ANGPT1: variants seen among roughly 807,000 people sequenced by gnomAD.
The protein encoded by ANGPT1 is angiopoietin-1.
A neutral mutation model predicts 62.2 loss-of-function variants in ANGPT1; 17 were observed. The ratio of observed to expected loss-of-function variants is 0.27; its 90% confidence interval spans 0.19 to 0.41. The LOEUF (loss-of-function observed/expected upper bound fraction) is 0.41. Among genes scored for constraint, ANGPT1 ranks in the 10% least tolerant of loss-of-function variants. ANGPT1 has a pLI of 1.00. For synonymous variants in ANGPT1, 199 were observed against 198.9 expected, an observed-to-expected ratio of 1.00 and a Z score of 0.00; for missense variants, 478 against 594.9, an observed-to-expected ratio of 0.80 and a Z score of 2.04.
chr8:107,275,668 C>T (rs1040663928), intron 7 of ANGPT1, among the ~76,000 whole-genome samples: 1 of 152,100 alleles, frequency 6.6e-6, no homozygotes, highest in Non-Finnish European at 1.5e-5. Context: ...GTACTGAAAT[C>T]TCTGTGGACA....
chr8:107,474,785 C>T (rs1812467271), intron 1 of ANGPT1, among the ~76,000 whole-genome samples: 1 of 152,050 alleles, frequency 6.6e-6, no homozygotes. Flanking sequence ...TCTTATACAC[C>T]AATGGTAGAC....
chr8:107,362,678 G>A lies in ANGPT1; in HGVS notation c.298-15581C>T, dbSNP rs184480927. On this transcript the variant is annotated intron_variant, in intron 1 of 8. Transcript: ENST00000517746. ...AAGCCAAGGGTTCTCATGTCACAGA[G>A]ATGTGTTTAATATGAGATGTGTTAT... Among the ~76,000 whole-genome samples the A allele has an allele frequency of 5.3e-5, 8 of 152,236 alleles. No individual in the cohort carries two copies. In the East Asian group the frequency reaches 1.5e-3, roughly 29 times the overall value.
chr8:107,326,555 T>C (rs1314202946), intron 3 of ANGPT1, among the ~76,000 whole-genome samples: 1 of 152,142 alleles, frequency 6.6e-6, no homozygotes, highest in Non-Finnish European at 1.5e-5. Flanking sequence ...TCTCTTCTCT[T>C]TGATTCCTCC....
intron 1 of ANGPT1, among the ~76,000 whole-genome samples, chr8:107,367,940 G>T (rs1816309809): frequency 6.6e-6 from 1 of 152,100 alleles, no homozygotes; most frequent in African/African-American, 2.4e-5. Flanking sequence ...ATGAGGGTTG[G>T]CATCAACTTC....
chr8:107,398,646 A>T (rs1319342529), intron 1 of ANGPT1, among the ~76,000 whole-genome samples: 2 of 152,002 alleles, frequency 1.3e-5, no homozygotes, highest in Non-Finnish European at 1.5e-5. Flanking sequence ...ACTGTTCTGG[A>T]CAGAGTGGTA....
At chr8:107,413,656 A>G (rs1347693075) in intron 1 of ANGPT1, among the ~76,000 whole-genome samples, 1 of 150,292 alleles carries the variant, frequency 6.7e-6, no homozygotes, top group Admixed American at 6.6e-5. Flanking sequence ...GAAATATTAA[A>G]TTAATATTAT....
chr8:107,371,835 C>T (rs1021272876), intron 1 of ANGPT1, among the ~76,000 whole-genome samples: 6 of 152,098 alleles, frequency 3.9e-5, no homozygotes, highest in African/African-American at 1.4e-4. Flanking sequence ...CTTCTCATTA[C>T]CTTAATTCAC....
At chr8:107,409,836 T>C (rs1817226300) in intron 1 of ANGPT1, among the ~76,000 whole-genome samples, 1 of 152,130 alleles carries the variant, frequency 6.6e-6, no homozygotes, top group Non-Finnish European at 1.5e-5. Context: ...TCTGTTTAAC[T>C]AGACAGTGGG....
chr8:107,410,198 C>T (rs1288265139), intron 1 of ANGPT1, among the ~76,000 whole-genome samples: 2 of 152,192 alleles, frequency 1.3e-5, no homozygotes, highest in Admixed American at 6.5e-5. Flanking sequence ...TCAGTGGCTC[C>T]TGACACCATT....
chr8:107,278,202 A>C (rs4636176), intron 7 of ANGPT1, among the ~76,000 whole-genome samples: 34,452 of 151,752 alleles, frequency 0.23, 4,465 homozygotes, highest in Middle Eastern at 0.36. Flanking sequence ...CAGCCTCCTA[A>C]GTAGCTGGGA....
chr8:107,393,066 T>C (rs1034029462), intron 1 of ANGPT1, among the ~76,000 whole-genome samples: 1 of 152,198 alleles, frequency 6.6e-6, no homozygotes, highest in African/African-American at 2.4e-5. Flanking sequence ...ATGCATTCTG[T>C]AGAGTAAAAA....
Position 107,256,271 on chromosome 8 carries a change from T to C in ANGPT1, c.1337-4256A>G, listed in dbSNP as rs961788760. On this transcript the variant is annotated intron_variant, in intron 8 of 8. Coordinates refer to ENST00000517746, the MANE Select transcript of ANGPT1 (RefSeq NM_001146.5). ...TCAAGGTAGAAGAAGTAATTACTTC[T>C]GTGTAGGCAAGGATTCTCTGTTTTC... Among the ~76,000 whole-genome samples the C allele has an allele frequency of 2.6e-5, 4 of 152,334 alleles. No homozygotes were observed. In the South Asian group the frequency reaches 8.3e-4, roughly 32 times the overall value.
At chr8:107,352,582 A>G (rs1351320115) in intron 1 of ANGPT1, among the ~76,000 whole-genome samples, 2 of 152,180 alleles carry the variant, frequency 1.3e-5, no homozygotes, top group African/African-American at 4.8e-5. Flanking sequence ...TGTATGTGAA[A>G]TGCATTCTGT....
Position 107,497,842 on chromosome 8 carries a change from A to C in ANGPT1, c.-284T>G. ...TTGTTTCCTCTCTGTGTGACCGTTC[A>C]GCATGGAGCCTGCCTGAGTCAGCTG... On this transcript the variant is annotated 5_prime_UTR_variant, in exon 1 of 9. Coordinates refer to ENST00000517746, the MANE Select transcript of ANGPT1 (RefSeq NM_001146.5). 1 of 540,800 alleles carries C rather than the reference A, an allele frequency of 1.8e-6. No individual in the cohort carries two copies. Among genetic ancestry groups the C allele is most frequent in the South Asian group, 2.9e-5 (1 of 34,038 alleles). 33.5% of individuals were successfully genotyped at this position (540,800 alleles called of 1,614,324 possible). A position where few individuals can be genotyped will look rare whatever the true frequency, so the allele number is the denominator to read the frequency against.
intron 3 of ANGPT1, among the ~76,000 whole-genome samples, chr8:107,329,187 T>C (rs1368321850): frequency 6.6e-6 from 1 of 152,062 alleles, no homozygotes; most frequent in Non-Finnish European, 1.5e-5. Context: ...GCACACTCTA[T>C]ATATACACAT....
At chr8:107,272,352 T>G (rs1414020579) in intron 7 of ANGPT1, among the ~76,000 whole-genome samples, 2 of 152,090 alleles carry the variant, frequency 1.3e-5, no homozygotes, top group Admixed American at 1.3e-4. Context: ...TCTCATATGA[T>G]TGTTTTAGAT....
chr8:107,365,810 A>C (rs950565435), intron 1 of ANGPT1, among the ~76,000 whole-genome samples: 3 of 151,926 alleles, frequency 2.0e-5, no homozygotes, highest in Admixed American at 6.6e-5. Flanking sequence ...CTTGACTGTG[A>C]CCCACAGTAA....
intron 6 of ANGPT1, among the ~76,000 whole-genome samples, chr8:107,285,883 T>C (rs2130141530): frequency 6.6e-6 from 1 of 152,246 alleles, no homozygotes; most frequent in Non-Finnish European, 1.5e-5. Flanking sequence ...GTTGTATTTG[T>C]GAATTTCCAA....
At chr8:107,370,176 G>GAAAGAAAGAGAGTAAGAAGAAAGA in intron 1 of ANGPT1, among the ~76,000 whole-genome samples, 1 of 86,016 alleles carries the variant, frequency 1.2e-5, no homozygotes. Flanking sequence ...AAGAGAGAAA[G>GAAAGAAAGAGAGTAAGAAGAAAGA]AAGAAAGAAA....
Sources: gnomAD v4.1 joint callset for allele counts (sites outside exome capture counted in the v4.1 genomes callset) on GRCh38, gnomAD v4.1.1 for gene constraint, MANE v1.5 for transcripts, NCBI Gene and HGNC (gene_info 2026-07-23, HGNC 2026-07-21) for gene names.